PRKCB: variants seen among roughly 807,000 people sequenced by gnomAD.
PRKCB encodes protein kinase C beta.
Under a neutral mutation model 81.5 loss-of-function variants are expected in PRKCB, and 13 were observed. The observed-to-expected ratio is 0.16, with a 90% confidence interval of 0.10 to 0.25. The LOEUF (loss-of-function observed/expected upper bound fraction) is 0.25. PRKCB is among the 10% of genes least tolerant of loss of function. The pLI is 1.00. For missense variants in PRKCB, 509 were observed against 875.7 expected (o/e 0.58, Z 5.29); for synonymous variants, 335 against 321.4 (o/e 1.04, Z -0.45).
In PRKCB at chr16:24,218,904, A is replaced by G. The variant is rs1968275494; in HGVS notation, c.*4088A>G. On this transcript the variant is annotated 3_prime_UTR_variant, in exon 17 of 17. Coordinates refer to ENST00000643927, the MANE Select transcript of PRKCB (RefSeq NM_002738.7). ...CTGTGATGAGGCCTACATAGCAGCGATGTGGTCAGGTAAAAATCAGGAACC... is the reference window on the plus strand; with the variant it reads ...CTGTGATGAGGCCTACATAGCAGCGGTGTGGTCAGGTAAAAATCAGGAACC... 2 of 985,304 alleles carry G rather than the reference A, an allele frequency of 2.0e-6. No homozygotes were observed. The highest frequency in any genetic ancestry group is 2.4e-6 in the Non-Finnish European group (2 of 829,984). 61.0% of individuals were successfully genotyped at this position (985,304 alleles called of 1,614,324 possible).
intron 3 of PRKCB, among the ~76,000 whole-genome samples, chr16:24,025,739 C>A (rs949060597): frequency 2.6e-5 from 4 of 152,102 alleles, no homozygotes; most frequent in African/African-American, 9.7e-5. Context: ...GGTGAATGAA[C>A]GAATGAGTCA....
At chr16:23,992,240 C>T (rs1964895667) in intron 3 of PRKCB, among the ~76,000 whole-genome samples, 1 of 152,118 alleles carries the variant, frequency 6.6e-6, no homozygotes, top group South Asian at 2.1e-4. Context: ...TTACAGCAGC[C>T]AGAAGGGACT....
intron 2 of PRKCB, among the ~76,000 whole-genome samples, chr16:23,903,889 C>T (rs1963520010): frequency 6.6e-6 from 1 of 152,188 alleles, no homozygotes; most frequent in South Asian, 2.1e-4. Context: ...TCTGTTTCAT[C>T]CACTGCTCCA....
intron 7 of PRKCB, among the ~76,000 whole-genome samples, chr16:24,095,977 GT>G (rs1966433867): frequency 6.6e-6 from 1 of 152,164 alleles, no homozygotes; most frequent in Non-Finnish European, 1.5e-5. Context: ...AGGTAGTTTA[GT>G]TTTGGGCAAG....
intron 9 of PRKCB, among the ~76,000 whole-genome samples, chr16:24,126,707 G>A (rs1966844894): frequency 6.6e-6 from 1 of 151,674 alleles, no homozygotes. Context: ...GCTAATTTTT[G>A]TAGTTTTTAA....
intron 9 of PRKCB, among the ~76,000 whole-genome samples, chr16:24,124,293 G>A (rs1302623434): frequency 6.6e-6 from 1 of 152,138 alleles, no homozygotes; most frequent in Non-Finnish European, 1.5e-5. Flanking sequence ...GTTCCAAGGT[G>A]GGGACAGGCT....
chr16:23,928,277 G>A (rs1384177873), intron 2 of PRKCB, among the ~76,000 whole-genome samples: 3 of 151,702 alleles, frequency 2.0e-5, no homozygotes, highest in Admixed American at 6.6e-5. Context: ...AGATGCCCAC[G>A]ACCATGCCCG....
At chr16:23,871,572 T>G (rs999241966) in intron 2 of PRKCB, among the ~76,000 whole-genome samples, 7 of 151,918 alleles carry the variant, frequency 4.6e-5, no homozygotes, top group African/African-American at 1.7e-4. Context: ...ATCACCTTGT[T>G]TTTTTTATCT....
intron 2 of PRKCB, among the ~76,000 whole-genome samples, chr16:23,899,922 A>G (rs1963443704): frequency 6.6e-6 from 1 of 152,030 alleles, no homozygotes; most frequent in African/African-American, 2.4e-5. Flanking sequence ...CCTGGCCTCA[A>G]GTGATCCTCC....
intron 5 of PRKCB, among the ~76,000 whole-genome samples, chr16:24,041,341 C>T (rs569364172): frequency 1.2e-4 from 18 of 152,230 alleles, no homozygotes; most frequent in Admixed American, 7.8e-4. Context: ...CGTGAGCCAC[C>T]GCACCCAGCT....
Position 24,218,325 on chromosome 16 carries a change from C to A in PRKCB, c.*3509C>A. 1 of 985,222 alleles carries A rather than the reference C, an allele frequency of 1.0e-6. No individual in the cohort carries two copies. Among genetic ancestry groups the A allele is most frequent in the African/African-American group, 1.7e-5 (1 of 57,272 alleles). 61.0% of individuals were successfully genotyped at this position (985,222 alleles called of 1,614,324 possible). ...TGTTGTGAACACCGGAAGTAACATG[C>A]CGAGCGCCTGGGGGATGGAAACTCC... On this transcript the variant is annotated 3_prime_UTR_variant, in exon 17 of 17. Coordinates refer to ENST00000643927, the MANE Select transcript of PRKCB (RefSeq NM_002738.7).
chr16:23,986,809 G>A (rs1213072919), intron 2 of PRKCB, among the ~76,000 whole-genome samples: 1 of 152,024 alleles, frequency 6.6e-6, no homozygotes, highest in Non-Finnish European at 1.5e-5. Context: ...GCATCCTTGT[G>A]TATGCATCAC....
At chr16:23,889,389 T>C (rs1963256223) in intron 2 of PRKCB, among the ~76,000 whole-genome samples, 2 of 152,356 alleles carry the variant, frequency 1.3e-5, no homozygotes, top group African/African-American at 2.4e-5. Context: ...TGTGAGTCAG[T>C]ATGTGTAAGG....
chr16:24,100,427 C>T (rs1966491245), intron 7 of PRKCB, among the ~76,000 whole-genome samples: 1 of 152,108 alleles, frequency 6.6e-6, no homozygotes, highest in Non-Finnish European at 1.5e-5. Context: ...CTTGTGAGTT[C>T]CCTCCATGCA....
At chr16:23,871,124 GC>G (rs1409707598) in intron 2 of PRKCB, among the ~76,000 whole-genome samples, 2 of 152,210 alleles carry the variant, frequency 1.3e-5, no homozygotes, top group African/African-American at 4.8e-5. Context: ...CTGCATACGG[GC>G]CCTAAACAAG....
At chr16:24,000,756 G>A (rs544291524) in intron 3 of PRKCB, among the ~76,000 whole-genome samples, 23 of 152,198 alleles carry the variant, frequency 1.5e-4, no homozygotes, top group African/African-American at 5.5e-4. Context: ...TCCACCCAGA[G>A]CATGCCCTTA....
At chr16:24,046,784 G>C (rs545590568) in intron 5 of PRKCB, among the ~76,000 whole-genome samples, 9 of 152,334 alleles carry the variant, frequency 5.9e-5, no homozygotes, top group Middle Eastern at 3.4e-3. Context: ...CTTTCTAAGT[G>C]CATGGAAATT....
chr16:23,912,840 T>TTTATTTATTTA (rs59682849), intron 2 of PRKCB, among the ~76,000 whole-genome samples: 11,697 of 148,022 alleles, frequency 0.079, 570 homozygotes, highest in Non-Finnish European at 0.097. Context: ...TTATTTATTT[T>TTTATTTATTTA]TTGATATGGA....
chr16:24,020,982 T>C (rs1193194221), intron 3 of PRKCB, among the ~76,000 whole-genome samples: 3 of 109,360 alleles, frequency 2.7e-5, no homozygotes, highest in African/African-American at 1.2e-4. Flanking sequence ...TTCTTTTTCT[T>C]TCTTTCTTTC....
Sources: gnomAD v4.1 joint callset for allele counts (sites outside exome capture counted in the v4.1 genomes callset) on GRCh38, gnomAD v4.1.1 for gene constraint, MANE v1.5 for transcripts, NCBI Gene and HGNC (gene_info 2026-07-23, HGNC 2026-07-21) for gene names.